FBXL17: variants seen among roughly 807,000 people sequenced by gnomAD.
The protein encoded by FBXL17 is F-box/LRR-repeat protein 17.
Under a neutral mutation model 66.2 loss-of-function variants are expected in FBXL17, and 22 were observed. The ratio of observed to expected loss-of-function variants is 0.33; its 90% CI spans 0.24 to 0.47. The LOEUF is 0.47. Ranked by LOEUF, FBXL17 falls within the 20% of genes least tolerant of loss-of-function variation. FBXL17 has a pLI of 1.00. For synonymous variants in FBXL17, 474 were observed against 400.5 expected (o/e 1.18, Z -2.19); for missense variants, 878 against 948.2 (o/e 0.93, Z 0.97).
intron 6 of FBXL17, among the ~76,000 whole-genome samples, chr5:108,058,708 A>C (rs1040077691): frequency 6.6e-6 from 1 of 152,124 alleles, no homozygotes; most frequent in Admixed American, 6.5e-5. Context: ...TGAAACTGAA[A>C]TGCAGGTGAA....
At chr5:107,916,785 C>T (rs1354803140) in intron 7 of FBXL17, among the ~76,000 whole-genome samples, 1 of 152,148 alleles carries the variant, frequency 6.6e-6, no homozygotes, top group Non-Finnish European at 1.5e-5. Context: ...TCATCTTCCA[C>T]AAAATAATGT....
At chr5:108,046,601 A>G (rs1747263027) in intron 6 of FBXL17, among the ~76,000 whole-genome samples, 1 of 152,120 alleles carries the variant, frequency 6.6e-6, no homozygotes, top group African/African-American at 2.4e-5. Context: ...ATCTCTTTAT[A>G]TAACTTTCTA....
At chr5:108,185,514 C>T (rs1163512009) in intron 6 of FBXL17, among the ~76,000 whole-genome samples, 1 of 152,084 alleles carries the variant, frequency 6.6e-6, no homozygotes, top group Non-Finnish European at 1.5e-5. Flanking sequence ...GTGAATTAAA[C>T]CTCTTGTCTT....
intron 4 of FBXL17, among the ~76,000 whole-genome samples, chr5:108,344,003 G>T (rs537404557): frequency 6.6e-6 from 1 of 152,298 alleles, no homozygotes; most frequent in South Asian, 2.1e-4. Context: ...AATAGAACAT[G>T]TATGAAGTAG....
At position 108,186,724 on chromosome 5, in the gene FBXL17, G is replaced by A. The variant is rs556225192; in HGVS notation, c.1615-477C>T. The stretch of plus-strand genomic sequence containing the variant: ...GCAGAGGTTGCAGTGAGCCCAGATC[G>A]CATCACTGCACTCCAGCCTGGCAAC... On this transcript the variant is annotated intron_variant, in intron 5 of 8. Transcript: ENST00000542267. Among the ~76,000 whole-genome samples, 5 of 150,082 alleles carry A rather than the reference G, an allele frequency of 3.3e-5. No homozygotes were observed. The East Asian group carries it at 9.9e-4, about 30-fold the overall frequency.
intron 8 of FBXL17, chr5:107,879,148 G>A (rs1054391082): frequency 8.1e-6 from 8 of 985,172 alleles, no homozygotes; most frequent in Non-Finnish European, 9.6e-6. Context: ...AACTTCTACA[G>A]TGTATCTCCG....
At position 108,156,943 on chromosome 5, in the gene FBXL17, T is replaced by C. The variant is rs577213594; in HGVS notation, c.1745+29174A>G. 9.6e-4 allele frequency among the ~76,000 whole-genome samples: 146 copies of C among 152,034 alleles called. No homozygotes were observed. The South Asian group carries it at 0.024, about 25-fold the overall frequency. On this transcript the variant is annotated intron_variant, in intron 6 of 8. Transcript: ENST00000542267. ...CAAGACAATTAGTTATATGAAGGACTAAACTAACAGTCTTTCAAAATTAAG... is the reference window on the plus strand; with the variant it reads ...CAAGACAATTAGTTATATGAAGGACCAAACTAACAGTCTTTCAAAATTAAG...
At chr5:108,177,967 G>T (rs1752859581) in intron 6 of FBXL17, among the ~76,000 whole-genome samples, 1 of 139,188 alleles carries the variant, frequency 7.2e-6, no homozygotes, top group Admixed American at 7.7e-5. Context: ...AGCACTACAT[G>T]GCCAATCATG....
intron 1 of FBXL17, among the ~76,000 whole-genome samples, chr5:108,369,052 A>C (rs1748855123): frequency 1.3e-5 from 2 of 152,196 alleles, no homozygotes; most frequent in South Asian, 4.1e-4. Flanking sequence ...TTCTCTTCAC[A>C]GATATGGGAC....
At chr5:107,991,838 G>A (rs1272092175) in intron 7 of FBXL17, among the ~76,000 whole-genome samples, 1 of 152,004 alleles carries the variant, frequency 6.6e-6, no homozygotes. Flanking sequence ...TGGAAAATGA[G>A]GAGTCAACAT....
intron 1 of FBXL17, among the ~76,000 whole-genome samples, chr5:108,371,157 C>G (rs1749014033): frequency 6.6e-6 from 1 of 152,180 alleles, no homozygotes; most frequent in African/African-American, 2.4e-5. Context: ...TTCCCCTTTT[C>G]TCTTTTCTCC....
At chr5:107,903,806 C>T (rs1273397082) in intron 7 of FBXL17, among the ~76,000 whole-genome samples, 2 of 152,114 alleles carry the variant, frequency 1.3e-5, no homozygotes, top group Admixed American at 6.6e-5. Flanking sequence ...TTGGGACATT[C>T]GTTTTTACAC....
chr5:108,035,017 T>C (rs1439225096), intron 6 of FBXL17, among the ~76,000 whole-genome samples: 2 of 152,156 alleles, frequency 1.3e-5, no homozygotes, highest in African/African-American at 2.4e-5. Flanking sequence ...TACATAATTT[T>C]TTTCTACTAA....
At chr5:108,141,540 G>T (rs1234742328) in intron 6 of FBXL17, among the ~76,000 whole-genome samples, 1 of 152,190 alleles carries the variant, frequency 6.6e-6, no homozygotes, top group Non-Finnish European at 1.5e-5. Flanking sequence ...TCAATGAAAA[G>T]AAGGACATCA....
intron 4 of FBXL17, among the ~76,000 whole-genome samples, chr5:108,291,824 T>G (rs551736101): frequency 1.3e-5 from 2 of 152,284 alleles, no homozygotes; most frequent in East Asian, 3.9e-4. Flanking sequence ...CAGTCAGTCT[T>G]GAGTACTGCA....
intron 1 of FBXL17, among the ~76,000 whole-genome samples, chr5:108,372,764 T>C (rs58212758): frequency 0.12 from 18,534 of 152,058 alleles, 1,369 homozygotes; most frequent in Admixed American, 0.16. Context: ...CTAAAAGAAA[T>C]ACTATAAAGA....
intron 6 of FBXL17, among the ~76,000 whole-genome samples, chr5:108,160,741 G>C (rs1417179819): frequency 1.3e-5 from 2 of 152,136 alleles, no homozygotes; most frequent in Admixed American, 6.5e-5. Context: ...CTAGAGAAGA[G>C]AGAAGTTTAC....
intron 6 of FBXL17, among the ~76,000 whole-genome samples, chr5:108,085,230 C>A (rs926559166): frequency 6.6e-6 from 1 of 152,176 alleles, no homozygotes; most frequent in African/African-American, 2.4e-5. Context: ...GTTCAAAGAA[C>A]AAAGATAACT....
At chr5:107,999,772 T>A (rs1271777441) in intron 7 of FBXL17, among the ~76,000 whole-genome samples, 1 of 152,220 alleles carries the variant, frequency 6.6e-6, no homozygotes. Context: ...TAATGAATAC[T>A]CAATAAACAC....
Sources: allele counts gnomAD v4.1 joint callset (sites outside exome capture counted in the v4.1 genomes callset), GRCh38; gene constraint gnomAD v4.1.1; transcripts MANE v1.5; gene names NCBI Gene and HGNC (gene_info 2026-07-23, HGNC 2026-07-21).